The following CUL1 variants were observed in gnomAD, a reference collection of about 807,000 sequenced individuals.
CUL1 encodes cullin 1.
In CUL1, 24 loss-of-function variants were observed where a neutral mutation model predicts 118.0. The ratio of observed to expected loss-of-function variants is 0.20; its 90% CI spans 0.15 to 0.29. The LOEUF (loss-of-function observed/expected upper bound fraction) is 0.29. Ranked by LOEUF, CUL1 falls within the 10% of genes least tolerant of loss-of-function variation. The pLI is 1.00. For missense variants in CUL1, 361 were observed against 933.8 expected, an observed-to-expected ratio of 0.39 and a Z score of 7.99; for synonymous variants, 332 against 340.4, an observed-to-expected ratio of 0.98 and a Z score of 0.27.
At chr7:148,701,367 A>G (rs552285111) in intron 1 of CUL1, among the ~76,000 whole-genome samples, 1 of 152,166 alleles carries the variant, frequency 6.6e-6, no homozygotes, top group African/African-American at 2.4e-5. Context: ...ACACCCCAGT[A>G]TCTAGTACAG....
intron 2 of CUL1, 31 bp from the exon 3 acceptor site, chr7:148,753,943 GAT>G: frequency 6.6e-7 from 1 of 1,506,426 alleles, no homozygotes; most frequent in Non-Finnish European, 9.0e-7. Flanking sequence ...TAACGTCTGT[GAT>G]ATATGTTGGT....
chr7:148,792,950 T>A, intron 17 of CUL1, 132 bp downstream of exon 17: 1 of 610,514 alleles, frequency 1.6e-6, no homozygotes, highest in South Asian at 2.4e-5. Context: ...TGAATATGAA[T>A]ATGGCCTTAT....
At chr7:148,766,768 T>A in intron 8 of CUL1, 45 bp downstream of exon 8, 1 of 1,525,442 alleles carries the variant, frequency 6.6e-7, no homozygotes, top group Non-Finnish European at 8.9e-7. Flanking sequence ...TAATTATCTG[T>A]AGTTTTGATA....
At chr7:148,756,351 G>A (rs932374746) in intron 3 of CUL1, among the ~76,000 whole-genome samples, 1 of 151,884 alleles carries the variant, frequency 6.6e-6, no homozygotes, top group East Asian at 1.9e-4. Flanking sequence ...TTTGGGAAGG[G>A]GTGCGGCGGA....
intron 7 of CUL1, among the ~76,000 whole-genome samples, chr7:148,762,782 C>T (rs1799875644): frequency 6.6e-6 from 1 of 152,230 alleles, no homozygotes; most frequent in Non-Finnish European, 1.5e-5. Flanking sequence ...TAGTAGTGCT[C>T]TAGGGCAAGG....
chr7:148,766,608 T>C lies in CUL1; in HGVS notation c.837T>C (p.Leu279=), dbSNP rs1800015679. The change falls in exon 8 of 22, where the codon CTT becomes CTC. Residue 279 remains leucine (L), a synonymous_variant. Coordinates refer to ENST00000325222, the MANE Select transcript of CUL1 (RefSeq NM_003592.3). ...AACAACGAAGAGTTCAGGTTTACCTTCATGAAAGCACACAAGATGAATTAG... is the reference window on the plus strand; with the variant it reads ...AACAACGAAGAGTTCAGGTTTACCTCCATGAAAGCACACAAGATGAATTAG... ...LEEQRRVQVY[L]HESTQDELAR... 5 of 1,613,774 alleles carry C rather than the reference T, an allele frequency of 3.1e-6. No homozygotes were observed. Among genetic ancestry groups the C allele is most frequent in the Non-Finnish European group, 4.2e-6 (5 of 1,179,956 alleles).
chr7:148,777,938 C>T (rs1800457183), intron 9 of CUL1, among the ~76,000 whole-genome samples: 1 of 151,176 alleles, frequency 6.6e-6, no homozygotes, highest in Middle Eastern at 3.4e-3. Context: ...TGGCATGCAC[C>T]TGTAATCTCA....
In CUL1 at chr7:148,787,147, C is replaced by G. The variant is rs766198914; in HGVS notation, c.1479+27C>G. On this transcript the variant is annotated intron_variant, in intron 13 of 21. Transcript: ENST00000325222. The surrounding 1 kb of genome is among the most constrained non-coding windows in gnomAD (Gnocchi z 5.5). ...TGAGTTTCATCTTTTCCTGAAAAAT[C>G]CCAGCTTCTGAGTCATTATTAAAAC... The G allele has an allele frequency of 1.2e-6, 2 of 1,610,808 alleles. No homozygotes were observed. The highest frequency in any genetic ancestry group is 1.7e-5 in the Admixed American group (1 of 59,680).
In CUL1 at chr7:148,760,338, T is replaced by C; in HGVS notation, c.631T>C (p.Leu211=). 6.3e-7 allele frequency: 1 copy of C among 1,599,620 alleles called. No individual in the cohort carries two copies. Among genetic ancestry groups the C allele is most frequent in the Non-Finnish European group, 8.5e-7 (1 of 1,175,094 alleles). The change falls in exon 7 of 22, where the codon TTG becomes CTG. Residue 211 remains leucine (L), a synonymous_variant. Coordinates refer to ENST00000325222, the MANE Select transcript of CUL1 (RefSeq NM_003592.3). The part of the protein sequence containing the change: ...ISGVVQSYVE[L]GLNEDDAFAK... Reference sequence around the variant, plus strand: ...TAGCTCATATTCATTTCTAGTGGAATTGGGGCTGAATGAAGATGATGCATT... The same window carrying C: ...TAGCTCATATTCATTTCTAGTGGAACTGGGGCTGAATGAAGATGATGCATT...
chr7:148,786,318 T>C (rs1800812073), intron 11 of CUL1, among the ~76,000 whole-genome samples: 1 of 152,260 alleles, frequency 6.6e-6, no homozygotes, highest in Admixed American at 6.5e-5. Context: ...TATCTCCTGT[T>C]GGTTTTCACC....
intron 19 of CUL1, among the ~76,000 whole-genome samples, chr7:148,798,241 G>A (rs1437562948): frequency 6.6e-6 from 1 of 152,156 alleles, no homozygotes; most frequent in Admixed American, 6.5e-5. Context: ...TGGCAAATAA[G>A]TCTCCTTAAA....
intron 2 of CUL1, among the ~76,000 whole-genome samples, chr7:148,730,699 A>G (rs147112525): frequency 1.9e-3 from 293 of 152,326 alleles, no homozygotes; most frequent in African/African-American, 6.9e-3. Flanking sequence ...TTGTGTCAGA[A>G]ACAGTTTTGT....
In CUL1 at chr7:148,800,451, T is replaced by C. The variant is rs1563173477; in HGVS notation, c.2251-51T>C. Reference sequence around the variant, plus strand: ...GCCTCTCTCTGTTCTGATGATAATTTGTGTTTTTCTTCTCTTTCACTACCT... The same window carrying C: ...GCCTCTCTCTGTTCTGATGATAATTCGTGTTTTTCTTCTCTTTCACTACCT... On this transcript the variant is annotated intron_variant, in intron 21 of 21. Transcript: ENST00000325222. The surrounding 1 kb of genome is among the most constrained non-coding windows in gnomAD (Gnocchi z 4.6). 11 of 1,440,544 alleles carry C rather than the reference T, an allele frequency of 7.6e-6. No homozygotes were observed. The highest frequency in any genetic ancestry group is 8.8e-6 in the Non-Finnish European group (9 of 1,023,534). The allele number at this position is 1,440,544 out of a possible 1,614,324, so 89.2% of individuals were successfully genotyped here.
At chr7:148,730,786 C>T (rs540014946) in intron 2 of CUL1, among the ~76,000 whole-genome samples, 5 of 152,256 alleles carry the variant, frequency 3.3e-5, no homozygotes, top group South Asian at 2.1e-4. Context: ...GATAGGACAT[C>T]GAGCAAAAGT....
chr7:148,705,473 G>A (rs1381152924), intron 1 of CUL1, among the ~76,000 whole-genome samples: 1 of 152,202 alleles, frequency 6.6e-6, no homozygotes, highest in African/African-American at 2.4e-5. Context: ...GAATACTGTT[G>A]TAATTATGAG....
At chr7:148,698,045 G>C (rs1032823195), upstream of CUL1, 1 of 152,212 alleles carries the variant, frequency 6.6e-6, no homozygotes. Context: ...AAAGTCTGAA[G>C]GGGAAAGCCT....
intron 1 of CUL1, among the ~76,000 whole-genome samples, chr7:148,711,696 G>A (rs180943334): frequency 8.5e-4 from 129 of 152,176 alleles, no homozygotes; most frequent in African/African-American, 2.9e-3. Flanking sequence ...ATAGAAAGGG[G>A]TGTCTTATTG....
chr7:148,744,535 T>C (rs906079448), intron 2 of CUL1, among the ~76,000 whole-genome samples: 1 of 152,114 alleles, frequency 6.6e-6, no homozygotes, highest in African/African-American at 2.4e-5. Flanking sequence ...TCATAGAAAA[T>C]GTAGAGGAAT....
At chr7:148,791,479 T>G (rs1801006778) in intron 16 of CUL1, among the ~76,000 whole-genome samples, 1 of 152,276 alleles carries the variant, frequency 6.6e-6, no homozygotes, top group African/African-American at 2.4e-5. Flanking sequence ...TTGTTTCATT[T>G]ATCCCCAAAT....
Sources: allele counts gnomAD v4.1 joint callset (sites outside exome capture counted in the v4.1 genomes callset), GRCh38; gene constraint gnomAD v4.1.1; non-coding constraint Gnocchi (gnomAD v3.1); transcripts MANE v1.5; gene names NCBI Gene and HGNC (gene_info 2026-07-23, HGNC 2026-07-21).